Variants in ENTREP2 observed in about 807,000 individuals in gnomAD.
ENTREP2 encodes protein ENTREP2.
chr15:29,150,813 A>G, the ENTREP2 span, among the ~76,000 whole-genome samples: 4 of 152,168 alleles, frequency 2.6e-5, no homozygotes, highest in African/African-American at 7.2e-5. Context: ...AAAACCCACT[A>G]TAAGAACCAG....
chr15:29,392,123 C>T, the ENTREP2 span, among the ~76,000 whole-genome samples: 2 of 151,380 alleles, frequency 1.3e-5, no homozygotes, highest in South Asian at 2.1e-4. Flanking sequence ...CCACTGTGCC[C>T]GGCCTTTTTT....
At chr15:29,143,184 G>A in the ENTREP2 span, among the ~76,000 whole-genome samples, 3 of 152,218 alleles carry the variant, frequency 2.0e-5, no homozygotes, top group East Asian at 5.8e-4. Context: ...ACATAGCAAA[G>A]CCCCTGAGAT....
the ENTREP2 span, among the ~76,000 whole-genome samples, chr15:29,482,529 G>C: frequency 6.6e-6 from 1 of 152,096 alleles, no homozygotes; most frequent in African/African-American, 2.4e-5. Flanking sequence ...GGCAACCACT[G>C]TTCTTTTTAC....
At chr15:29,600,734 G>A in the ENTREP2 span, among the ~76,000 whole-genome samples, 300 of 152,008 alleles carry the variant, frequency 2.0e-3, 2 homozygotes, top group African/African-American at 7.0e-3. Flanking sequence ...AGCCTTTCAA[G>A]TAGCTGAGAC....
At chr15:29,417,076 A>T in the ENTREP2 span, among the ~76,000 whole-genome samples, 1 of 152,244 alleles carries the variant, frequency 6.6e-6, no homozygotes, top group East Asian at 1.9e-4. Flanking sequence ...CCATTGTGGA[A>T]GTCAGTGTGG....
At chr15:29,565,960 C>CA in the ENTREP2 span, among the ~76,000 whole-genome samples, 16,426 of 123,120 alleles carry the variant, frequency 0.13, 893 homozygotes, top group Middle Eastern at 0.25. Flanking sequence ...GGCTCTGTCT[C>CA]AAAAAAAAAA....
At chr15:29,158,179 T>C in the ENTREP2 span, among the ~76,000 whole-genome samples, 1 of 152,204 alleles carries the variant, frequency 6.6e-6, no homozygotes, top group Admixed American at 6.5e-5. Flanking sequence ...CAAATGAAAC[T>C]ACTCACAGAC....
At chr15:29,267,820 T>C in the ENTREP2 span, 1 of 152,208 alleles carries the variant, frequency 6.6e-6, no homozygotes, top group Non-Finnish European at 1.5e-5. Context: ...CATCACGGAC[T>C]AAAACCATTT....
chr15:29,632,767 G>A, the ENTREP2 span, among the ~76,000 whole-genome samples: 1 of 152,134 alleles, frequency 6.6e-6, no homozygotes, highest in Non-Finnish European at 1.5e-5. Context: ...GCCTGGGCAG[G>A]TCCCAAGAGC....
the ENTREP2 span, among the ~76,000 whole-genome samples, chr15:29,163,798 T>A: frequency 6.6e-6 from 1 of 152,180 alleles, no homozygotes; most frequent in Admixed American, 6.5e-5. Flanking sequence ...GCTATCCAAG[T>A]GCAAGAAGAA....
chr15:29,120,237 C>G, the ENTREP2 span: 2 of 152,240 alleles, frequency 1.3e-5, no homozygotes, highest in Non-Finnish European at 2.9e-5. Context: ...CCCAGTTAGA[C>G]CTCAGAGACA....
the ENTREP2 span, chr15:29,235,088 CT>C: frequency 4.6e-6 from 5 of 1,083,056 alleles, no homozygotes; most frequent in Admixed American, 1.7e-5. Flanking sequence ...CCCGAGGGAC[CT>C]TTTCCTCATG....
At chr15:29,188,889 G>A in the ENTREP2 span, among the ~76,000 whole-genome samples, 1 of 152,180 alleles carries the variant, frequency 6.6e-6, no homozygotes, top group African/African-American at 2.4e-5. Flanking sequence ...TGAACGGAGG[G>A]GTTCAGAGAG....
chr15:29,223,745 G>A, the ENTREP2 span, among the ~76,000 whole-genome samples: 1 of 152,084 alleles, frequency 6.6e-6, no homozygotes, highest in African/African-American at 2.4e-5. Flanking sequence ...TAGCCAGAGA[G>A]GCTGGTTCTG....
the ENTREP2 span, among the ~76,000 whole-genome samples, chr15:29,247,776 G>C: frequency 1.3e-5 from 2 of 152,022 alleles, no homozygotes; most frequent in Admixed American, 6.5e-5. Flanking sequence ...AATTCAGTCT[G>C]GTAGGACAGG....
the ENTREP2 span, among the ~76,000 whole-genome samples, chr15:29,247,734 T>C: frequency 7.2e-5 from 8 of 110,858 alleles, no homozygotes; most frequent in Admixed American, 4.6e-4. Flanking sequence ...TTCCGGTATG[T>C]CTGTAAAAAA....
At chr15:29,537,857 C>A in the ENTREP2 span, among the ~76,000 whole-genome samples, 1 of 152,110 alleles carries the variant, frequency 6.6e-6, no homozygotes, top group East Asian at 1.9e-4. Context: ...CGCTGGCCTC[C>A]TTGCTGTCCT....
At chr15:29,649,321 T>G in the ENTREP2 span, among the ~76,000 whole-genome samples, 1 of 152,240 alleles carries the variant, frequency 6.6e-6, no homozygotes, top group Non-Finnish European at 1.5e-5. Context: ...TGCACTTTTC[T>G]CCTTGTTCTT....
chr15:29,446,353 A>AG, the ENTREP2 span, among the ~76,000 whole-genome samples: 1 of 152,182 alleles, frequency 6.6e-6, no homozygotes, highest in African/African-American at 2.4e-5. Context: ...TAAAGAGGTG[A>AG]GGGGGGAAGT....
Sources: allele counts gnomAD v4.1 joint callset (sites outside exome capture counted in the v4.1 genomes callset), GRCh38; gene constraint gnomAD v4.1.1; transcripts MANE v1.5; gene names NCBI Gene and HGNC (gene_info 2026-07-23, HGNC 2026-07-21).